GRID1: variants seen among roughly 807,000 people sequenced by gnomAD.
The protein encoded by GRID1 is glutamate receptor ionotropic, delta-1.
GRID1 carries 28 observed loss-of-function variants against 98.0 expected under a neutral mutation model. The observed-to-expected ratio is 0.29, with a 90% CI of 0.21 to 0.39. The LOEUF (loss-of-function observed/expected upper bound fraction) is 0.39, where lower values mean the gene tolerates loss of function less well. GRID1 is among the 10% of genes least tolerant of loss of function. The pLI is 1.00. For synonymous variants in GRID1, 553 were observed against 538.5 expected, an observed-to-expected ratio of 1.03 and a Z score of -0.37; for missense variants, 1,111 against 1,340.5, an observed-to-expected ratio of 0.83 and a Z score of 2.67.
chr10:85,741,628 A>T (rs1247528243), intron 8 of GRID1, among the ~76,000 whole-genome samples: 1 of 151,914 alleles, frequency 6.6e-6, no homozygotes, highest in Non-Finnish European at 1.5e-5. Context: ...TGCACTCCCT[A>T]TCTAAGCCTC....
At chr10:85,787,286 G>A (rs1270158350) in intron 8 of GRID1, among the ~76,000 whole-genome samples, 1 of 152,134 alleles carries the variant, frequency 6.6e-6, no homozygotes, top group Non-Finnish European at 1.5e-5. Flanking sequence ...TACTGGTGCT[G>A]ACATCCTCAT....
rs149177589 is a variant in GRID1 at position 85,850,748 on chromosome 10, G to A, written c.1233+3748C>T. Among the ~76,000 whole-genome samples, 165 of 152,306 alleles carry A rather than the reference G, an allele frequency of 1.1e-3. 1 individual carries two copies. The East Asian group carries it at 0.027, about 25-fold the overall frequency. ...TATGAGCATGCTCTCACTGCCAAGT[G>A]CTGCACAGTGTCATTACACTGACTG... On this transcript the variant is annotated intron_variant, in intron 8 of 15. Coordinates refer to ENST00000327946, the MANE Select transcript of GRID1 (RefSeq NM_017551.3).
At position 86,130,505 on chromosome 10, in the gene GRID1, G is replaced by A. The variant is rs142922727; in HGVS notation, c.726+8314C>T. ...CAGAAGGGCAGAGGAACAGAAGAGC[G>A]ACACAGTAGAGAAGGAGAGGAGAGA... On this transcript the variant is annotated intron_variant, in intron 4 of 15. Transcript: ENST00000327946. Among the ~76,000 whole-genome samples the A allele has an allele frequency of 5.3e-3, 813 of 152,334 alleles. 6 individuals carry two copies. Among genetic ancestry groups the A allele is most frequent in the African/African-American group, 0.019 (771 of 41,576 alleles).
chr10:86,340,247 G>C (rs1050927204), intron 2 of GRID1, among the ~76,000 whole-genome samples: 24 of 152,170 alleles, frequency 1.6e-4, no homozygotes, highest in African/African-American at 5.8e-4. Flanking sequence ...GAGGAGAGAT[G>C]CATAGCAAGC....
chr10:86,274,424 C>A (rs1050413581), intron 2 of GRID1, among the ~76,000 whole-genome samples: 1 of 152,108 alleles, frequency 6.6e-6, no homozygotes. Context: ...GAACTTTAAA[C>A]TAGTTTTTTC....
chr10:85,792,814 A>T (rs1040262134), intron 8 of GRID1, among the ~76,000 whole-genome samples: 5 of 152,158 alleles, frequency 3.3e-5, no homozygotes, highest in Non-Finnish European at 7.3e-5. Context: ...AATGACCCTT[A>T]TTCTGAGTTC....
chr10:86,357,539 A>G (rs1270618905), intron 2 of GRID1, among the ~76,000 whole-genome samples: 1 of 152,260 alleles, frequency 6.6e-6, no homozygotes, highest in Non-Finnish European at 1.5e-5. Flanking sequence ...AGTGTAGTCT[A>G]TAAAATGAGA....
intron 3 of GRID1, among the ~76,000 whole-genome samples, chr10:86,157,155 C>T (rs1006798103): frequency 5.9e-5 from 9 of 152,162 alleles, no homozygotes; most frequent in African/African-American, 1.4e-4. Flanking sequence ...ATGGAAGCTA[C>T]GAGTTCTGAT....
At chr10:86,217,955 T>C (rs1476254322) in intron 2 of GRID1, among the ~76,000 whole-genome samples, 2 of 152,144 alleles carry the variant, frequency 1.3e-5, no homozygotes, top group Admixed American at 1.3e-4. Context: ...AATTCTCCCC[T>C]ACCCCACCTG....
intron 4 of GRID1, among the ~76,000 whole-genome samples, chr10:86,111,119 T>C (rs1266032441): frequency 2.6e-5 from 4 of 152,220 alleles, no homozygotes; most frequent in Non-Finnish European, 5.9e-5. Flanking sequence ...ATGTTTCTCA[T>C]CTGCCTTGGA....
chr10:86,144,844 G>C (rs10788482), intron 3 of GRID1, among the ~76,000 whole-genome samples: 37,942 of 152,052 alleles, frequency 0.25, 5,112 homozygotes, highest in Middle Eastern at 0.36. Context: ...CATGTGCTAA[G>C]GAAGCCCACA....
chr10:86,205,202 C>A (rs1589410002), intron 3 of GRID1, among the ~76,000 whole-genome samples: 1 of 152,230 alleles, frequency 6.6e-6, no homozygotes, highest in Non-Finnish European at 1.5e-5. Context: ...CAAACATATG[C>A]TGATTTCTTT....
At chr10:85,966,124 T>C (rs939968894) in intron 4 of GRID1, among the ~76,000 whole-genome samples, 1 of 152,246 alleles carries the variant, frequency 6.6e-6, no homozygotes, top group African/African-American at 2.4e-5. Flanking sequence ...TGTCATTATT[T>C]GACCTGGCTT....
intron 8 of GRID1, among the ~76,000 whole-genome samples, chr10:85,777,425 T>C (rs151100609): frequency 2.8e-4 from 42 of 152,318 alleles, no homozygotes; most frequent in African/African-American, 1.0e-3. Flanking sequence ...GACTTTAAAA[T>C]AGACTGATGC....
intron 8 of GRID1, among the ~76,000 whole-genome samples, chr10:85,746,133 T>G (rs1266076419): frequency 6.6e-6 from 1 of 152,208 alleles, no homozygotes; most frequent in Non-Finnish European, 1.5e-5. Flanking sequence ...CTCTTTGGAT[T>G]TAGGTATTCA....
intron 8 of GRID1, among the ~76,000 whole-genome samples, chr10:85,737,423 A>T (rs1339505612): frequency 6.6e-6 from 1 of 151,868 alleles, no homozygotes; most frequent in East Asian, 1.9e-4. Flanking sequence ...GTCATAATGA[A>T]GGCAATGGAA....
intron 9 of GRID1, 56 bp from the exon 10 acceptor site, chr10:85,728,108 T>C: frequency 8.5e-7 from 1 of 1,178,320 alleles, no homozygotes; most frequent in Non-Finnish European, 1.3e-6. Context: ...TCAACACATA[T>C]TTCCAGTGTA....
intron 3 of GRID1, among the ~76,000 whole-genome samples, chr10:86,139,751 G>C (rs531581193): frequency 2.0e-5 from 3 of 152,222 alleles, no homozygotes; most frequent in Non-Finnish European, 2.9e-5. Flanking sequence ...ATCCTGGCAC[G>C]TTGGTGATCA....
rs74813958 is a variant in GRID1 at position 85,942,626 on chromosome 10, C to A, written c.727-26387G>T. Reference sequence around the variant, plus strand: ...TCGTGTTCAAGGTTTAAGACATAAACCTGATGCCAGGGGTCCTTTATCTCT... The same window carrying A: ...TCGTGTTCAAGGTTTAAGACATAAAACTGATGCCAGGGGTCCTTTATCTCT... On this transcript the variant is annotated intron_variant, in intron 4 of 15. Coordinates refer to ENST00000327946, the MANE Select transcript of GRID1 (RefSeq NM_017551.3). Among the ~76,000 whole-genome samples, 606 of 152,308 alleles carry A rather than the reference C, an allele frequency of 4.0e-3. 6 individuals carry two copies. The highest frequency in any genetic ancestry group is 0.013 in the African/African-American group (559 of 41,574).
Sources: gnomAD v4.1 joint callset for allele counts (sites outside exome capture counted in the v4.1 genomes callset) on GRCh38, gnomAD v4.1.1 for gene constraint, MANE v1.5 for transcripts, NCBI Gene and HGNC (gene_info 2026-07-23, HGNC 2026-07-21) for gene names.